Variants in FAT4 observed in about 807,000 individuals in gnomAD.
The protein encoded by FAT4 is protocadherin Fat 4.
In FAT4, 84 loss-of-function variants were observed where a neutral mutation model predicts 303.9. That is an observed-to-expected ratio of 0.28 (90% CI 0.23 to 0.33). FAT4 has a LOEUF of 0.33. FAT4 is among the 10% of genes least tolerant of loss of function. The pLI, the probability that FAT4 is intolerant of heterozygous loss-of-function variation, is 1.00. For missense variants in FAT4, 6,005 were observed against 6,146.8 expected (o/e 0.98, Z 0.77); for synonymous variants, 2,307 against 2,298.8 (o/e 1.00, Z -0.10).
In FAT4 at chr4:125,448,874, C is replaced by A; in HGVS notation, c.7864C>A (p.Gln2622Lys). 2 of 1,608,906 alleles carry A rather than the reference C, an allele frequency of 1.2e-6. No individual in the cohort carries two copies. The highest frequency in any genetic ancestry group is 1.3e-5 in the African/African-American group (1 of 74,976). The change falls in exon 10 of 18, where the codon CAG becomes AAG. Residue 2622 changes from glutamine (Q) to lysine (K), a missense_variant. Gln to Lys is a moderately conservative substitution (Grantham distance 53). Transcript: ENST00000394329. ...TTTCCAGATTGATCAGTTAACAGGG[C>A]AGGTGTCTATTAGTCAACCTCTGGA... ...NTFQIDQLTG[Q>K]VSISQPLDFE...
intron 16 of FAT4, among the ~76,000 whole-genome samples, chr4:125,484,189 G>T (rs1323183661): frequency 2.6e-5 from 4 of 152,004 alleles, no homozygotes; most frequent in African/African-American, 7.3e-5. Flanking sequence ...GGGTGTCAGT[G>T]TCAGGTGTGG....
intron 2 of FAT4, 111 bp from the exon 3 acceptor site, chr4:125,398,673 G>A: frequency 9.6e-7 from 1 of 1,038,420 alleles, no homozygotes; most frequent in South Asian, 1.7e-5. Flanking sequence ...AGATGCAAAG[G>A]TTCCAATTCA....
chr4:125,417,236 G>A (rs1194601362), intron 7 of FAT4, among the ~76,000 whole-genome samples: 3 of 152,070 alleles, frequency 2.0e-5, no homozygotes, highest in African/African-American at 7.2e-5. Context: ...CTGAGCTAGG[G>A]GCATTTAAAG....
chr4:125,320,198 A>T lies in FAT4; in HGVS notation c.3787A>T (p.Thr1263Ser). The part of the protein sequence containing the change: ...NEERQFAIDS[T>S]SGQVTLIGKL... ...AGAAAGACAGTTTGCTATAGACAGT[A>T]CCTCTGGTCAGGTAACACTAATTGG... The change falls in exon 2 of 18, where the codon ACC (threonine) becomes TCC (serine). Residue 1263 changes from threonine to serine, a missense_variant. Thr to Ser is a moderately conservative substitution (Grantham distance 58, BLOSUM62 1). Coordinates refer to ENST00000394329, the MANE Select transcript of FAT4 (RefSeq NM_001291303.3). 6.2e-7 allele frequency: 1 copy of T among 1,613,756 alleles called. No individual in the cohort carries two copies. The highest frequency in any genetic ancestry group is 8.5e-7 in the Non-Finnish European group (1 of 1,179,634).
At chr4:125,437,492 A>AC (rs57986667) in intron 8 of FAT4, among the ~76,000 whole-genome samples, 150,779 of 152,288 alleles carry the variant, frequency 0.99, 74,658 homozygotes, top group East Asian at 1. Flanking sequence ...ACCAAGACTT[A>AC]TTCCAAGAGA....
intron 2 of FAT4, among the ~76,000 whole-genome samples, chr4:125,366,154 T>G (rs1732879424): frequency 6.6e-6 from 1 of 152,122 alleles, no homozygotes; most frequent in Non-Finnish European, 1.5e-5. Flanking sequence ...ATAGGTAAAC[T>G]TCTGTCATGG....
chr4:125,437,192 A>G (rs970525503), intron 8 of FAT4, among the ~76,000 whole-genome samples: 1 of 152,146 alleles, frequency 6.6e-6, no homozygotes, highest in Admixed American at 6.5e-5. Context: ...GTGAGATTTG[A>G]GTGAGGACAC....
chr4:125,322,008 A>G (rs1248039657), intron 2 of FAT4, among the ~76,000 whole-genome samples: 1 of 152,208 alleles, frequency 6.6e-6, no homozygotes, highest in Non-Finnish European at 1.5e-5. Context: ...GCATTGTACC[A>G]TAGCTCTTCA....
In FAT4 at chr4:125,468,789, T is replaced by G. The variant is rs1726761701; in HGVS notation, c.12183T>G (p.Phe4061Leu). The G allele has an allele frequency of 1.2e-6, 2 of 1,612,662 alleles. No individual in the cohort carries two copies. The highest frequency in any genetic ancestry group is 1.7e-5 in the Admixed American group (1 of 59,976). ...TTMKKVSDGHFHTVIARRAGM... is the reference protein window; with the variant it reads ...TTMKKVSDGHLHTVIARRAGM... The stretch of plus-strand genomic sequence containing the variant: ...TGAAGAAGGTGTCAGATGGACATTT[T>G]CACACTGTGATTGCCAGGAGAGCAG... Residue 4061 changes from phenylalanine (F) to leucine (L), a missense_variant, in exon 12 of 18, where the codon TTT becomes TTG. Phe to Leu is a conservative substitution (Grantham distance 22, BLOSUM62 0). Transcript: ENST00000394329.
chr4:125,396,904 A>G (rs1734198963), intron 2 of FAT4, among the ~76,000 whole-genome samples: 2 of 139,782 alleles, frequency 1.4e-5, no homozygotes, highest in Admixed American at 7.7e-5. Context: ...TTCATTACAT[A>G]TATGTATGTG....
intron 2 of FAT4, among the ~76,000 whole-genome samples, chr4:125,343,180 T>G (rs1008297915): frequency 2.0e-5 from 3 of 152,152 alleles, no homozygotes; most frequent in Non-Finnish European, 4.4e-5. Context: ...AATTGAGGTA[T>G]GCTATTGAGT....
intron 2 of FAT4, among the ~76,000 whole-genome samples, chr4:125,385,023 T>TAC (rs772375735): frequency 1.5e-5 from 1 of 68,132 alleles, no homozygotes; most frequent in Non-Finnish European, 3.1e-5. Flanking sequence ...TATATATATA[T>TAC]ATTTTTTTTT....
chr4:125,486,991 C>T (rs1219109094), intron 16 of FAT4, among the ~76,000 whole-genome samples: 3 of 152,104 alleles, frequency 2.0e-5, no homozygotes, highest in Non-Finnish European at 4.4e-5. Flanking sequence ...GCATAACACA[C>T]TCCAATGGCA....
At chr4:125,385,618 TGA>T (rs1484560631) in intron 2 of FAT4, among the ~76,000 whole-genome samples, 4 of 152,050 alleles carry the variant, frequency 2.6e-5, no homozygotes, top group Non-Finnish European at 5.9e-5. Context: ...TGAGGAAGAG[TGA>T]GAGAGTAGTA....
intron 10 of FAT4, among the ~76,000 whole-genome samples, chr4:125,455,715 G>A (rs1261297745): frequency 6.6e-6 from 1 of 152,126 alleles, no homozygotes; most frequent in Non-Finnish European, 1.5e-5. Context: ...ATTTGCACTT[G>A]CTATGGAGTG....
intron 10 of FAT4, among the ~76,000 whole-genome samples, chr4:125,453,506 A>G (rs1319455579): frequency 1.3e-5 from 2 of 152,122 alleles, no homozygotes; most frequent in African/African-American, 2.4e-5. Context: ...TGAGAGATCG[A>G]GACCATCCTG....
intron 2 of FAT4, among the ~76,000 whole-genome samples, chr4:125,343,376 C>A (rs987351758): frequency 1.3e-5 from 2 of 151,104 alleles, no homozygotes; most frequent in African/African-American, 4.9e-5. Flanking sequence ...ACCCATAGCA[C>A]CAAGTCCATG....
chr4:125,426,551 T>C (rs1725094643), intron 7 of FAT4, among the ~76,000 whole-genome samples: 1 of 152,072 alleles, frequency 6.6e-6, no homozygotes, highest in Non-Finnish European at 1.5e-5. Context: ...CTAAATATTA[T>C]TCTAAATCAT....
intron 2 of FAT4, among the ~76,000 whole-genome samples, chr4:125,358,131 G>C (rs1312041848): frequency 6.6e-6 from 1 of 152,010 alleles, no homozygotes; most frequent in Non-Finnish European, 1.5e-5. Context: ...TAGAAATCTT[G>C]TGTTTAATTT....
Sources: allele counts gnomAD v4.1 joint callset (sites outside exome capture counted in the v4.1 genomes callset), GRCh38; gene constraint gnomAD v4.1.1; transcripts MANE v1.5; gene names NCBI Gene and HGNC (gene_info 2026-07-23, HGNC 2026-07-21).